C3orf22: variants seen among roughly 807,000 people sequenced by gnomAD.
C3orf22 encodes the protein chromosome 3 open reading frame 22, also known as uncharacterized protein C3orf22.
A neutral mutation model predicts 10.8 loss-of-function variants in C3orf22; 7 were observed. The observed-to-expected ratio is 0.65, with a 90% CI of 0.37 to 1.22. C3orf22 has a LOEUF of 1.22. C3orf22 is among the 50% of genes most tolerant of loss of function. C3orf22 has a pLI of 0.02. For missense variants in C3orf22, 173 were observed against 177.0 expected (o/e 0.98, Z 0.13); for synonymous variants, 79 against 78.9 (o/e 1.00, Z 0.00).
chr3:126,553,204 T>C, intron 2 of C3orf22, 98 bp downstream of exon 2: 1 of 893,962 alleles, frequency 1.1e-6, no homozygotes, highest in East Asian at 2.4e-5. Flanking sequence ...CAAAACCCCC[T>C]CCCAGCTGCA....
At chr3:126,542,455 C>T in intron 4 of C3orf22, 2 of 1,569,376 alleles carry the variant, frequency 1.3e-6, no homozygotes, top group Non-Finnish European at 1.7e-6. Flanking sequence ...CCGCCTCCCG[C>T]GACCTGGCAG....
At chr3:126,535,274 G>A (rs1936755735) in intron 4 of C3orf22, among the ~76,000 whole-genome samples, 2 of 145,770 alleles carry the variant, frequency 1.4e-5, no homozygotes, top group Admixed American at 1.4e-4. Flanking sequence ...CAGCATCACT[G>A]TCCTCAGCTG....
downstream of C3orf22, among the ~76,000 whole-genome samples, chr3:126,548,185 G>A (rs1937099645): frequency 6.6e-6 from 1 of 152,174 alleles, no homozygotes; most frequent in South Asian, 2.1e-4. Context: ...AGTAGAGACG[G>A]GGTTTCACCA....
chr3:126,540,353 T>TCTGTC (rs1269122713), intron 4 of C3orf22, among the ~76,000 whole-genome samples: 1 of 152,170 alleles, frequency 6.6e-6, no homozygotes, highest in Admixed American at 6.5e-5. Context: ...CAGCCCAGTG[T>TCTGTC]CAGTCCATCA....
downstream of C3orf22, among the ~76,000 whole-genome samples, chr3:126,547,046 TGTGA>T (rs1937080816): frequency 1.3e-5 from 2 of 152,208 alleles, no homozygotes; most frequent in South Asian, 2.1e-4. Flanking sequence ...CCTGCATAGG[TGTGA>T]GTGTGACTGC....
intron 5 of C3orf22, among the ~76,000 whole-genome samples, chr3:126,528,182 C>T (rs545423137): frequency 2.8e-4 from 42 of 151,660 alleles, no homozygotes; most frequent in Non-Finnish European, 5.3e-4. Flanking sequence ...GGATGGAAGG[C>T]AGGAAGATAC....
At chr3:126,551,728 A>G (rs1937191185) in intron 3 of C3orf22, among the ~76,000 whole-genome samples, 4 of 152,198 alleles carry the variant, frequency 2.6e-5, no homozygotes, top group South Asian at 2.1e-4. Context: ...CACTGAGGCC[A>G]GTTTCTCCAC....
rs1412801435 is a variant in C3orf22, at chr3:126,550,051, C to T, written c.243G>A (p.Pro81=). 5.6e-6 allele frequency: 9 copies of T among 1,613,772 alleles called. No homozygotes were observed. The highest frequency in any genetic ancestry group is 1.1e-5 in the South Asian group (1 of 91,078). ...GTAGTGGTGCCGGGCAGGAGCCAGA[C>T]GGTGATGTAAAATCTGGAGCCCCGA... ...RGLGAPDFTS[P]SGSCPAPLPA... Residue 81 remains proline (P), a synonymous_variant, in exon 4 of 4, where the codon CCG becomes CCA. Coordinates refer to ENST00000318225, the MANE Select transcript of C3orf22 (RefSeq NM_152533.3).
In C3orf22 at chr3:126,549,820, G is replaced by C; in HGVS notation, c.*48C>G. 1 of 1,571,832 alleles carries C rather than the reference G, an allele frequency of 6.4e-7. No homozygotes were observed. The highest frequency in any genetic ancestry group is 8.6e-7 in the Non-Finnish European group (1 of 1,158,900). On this transcript the variant is annotated 3_prime_UTR_variant, in exon 4 of 4. Transcript: ENST00000318225. Reference sequence around the variant, plus strand: ...TCTCTGTGGCTACTGCCCAGAGCCTGCCAAGGAGAAGGTGGCCAATAAGAA... The same window carrying C: ...TCTCTGTGGCTACTGCCCAGAGCCTCCCAAGGAGAAGGTGGCCAATAAGAA...
chr3:126,536,606 G>A (rs1936796527), intron 4 of C3orf22, among the ~76,000 whole-genome samples: 1 of 151,976 alleles, frequency 6.6e-6, no homozygotes, highest in Non-Finnish European at 1.5e-5. Context: ...TCTTTGTGTT[G>A]CAGATAAAAA....
At chr3:126,553,504 A>C in intron 1 of C3orf22, 74 bp from the exon 2 acceptor site, 1 of 999,092 alleles carries the variant, frequency 1.0e-6, no homozygotes, top group Non-Finnish European at 1.6e-6. Flanking sequence ...AGTACCCAGC[A>C]GGGCTGGGGG....
chr3:126,537,741 G>A (rs1042549803), intron 4 of C3orf22, among the ~76,000 whole-genome samples: 6 of 149,430 alleles, frequency 4.0e-5, no homozygotes, highest in South Asian at 2.1e-4. Context: ...AGCACCTTGC[G>A]GCTGGAGAAA....
intron 4 of C3orf22, among the ~76,000 whole-genome samples, chr3:126,540,961 T>C (rs1213443959): frequency 1.3e-5 from 2 of 152,142 alleles, no homozygotes; most frequent in Admixed American, 6.6e-5. Context: ...CAAAAAATCA[T>C]AGGCAGGGGT....
At chr3:126,536,874 CTCT>C in intron 4 of C3orf22, among the ~76,000 whole-genome samples, 1 of 141,902 alleles carries the variant, frequency 7.0e-6, no homozygotes, top group South Asian at 2.3e-4. Flanking sequence ...CTCTCTCTCT[CTCT>C]TTCTCACACA....
chr3:126,542,721 C>T, intron 4 of C3orf22: 1 of 1,250,162 alleles, frequency 8.0e-7, no homozygotes, highest in Non-Finnish European at 1.0e-6. Flanking sequence ...GGGCGCAGGG[C>T]ACACCTGGCC....
rs1456649815 is a variant in C3orf22, at chr3:126,536,177, G to A, written c.287-6805C>T. On this transcript the variant is annotated intron_variant and NMD_transcript_variant, in intron 4 of 5. Coordinates refer to the C3orf22 transcript ENST00000505070. ...CCGGGAAGGAAATTGAGTGCCAGAGGTGGGTCAAATGTGCCTAGATGGGTT... is the reference window on the plus strand; with the variant it reads ...CCGGGAAGGAAATTGAGTGCCAGAGATGGGTCAAATGTGCCTAGATGGGTT... 5 of 974,266 alleles carry A rather than the reference G, an allele frequency of 5.1e-6. No homozygotes were observed. In the African/African-American group the frequency reaches 6.4e-5, roughly 13 times the overall value. 60.4% of individuals were successfully genotyped at this position (974,266 alleles called of 1,614,324 possible).
At chr3:126,550,820 C>A (rs895012629) in intron 3 of C3orf22, among the ~76,000 whole-genome samples, 56 of 152,272 alleles carry the variant, frequency 3.7e-4, no homozygotes, top group Non-Finnish European at 1.5e-4. Context: ...CAGCCCACTG[C>A]CCCCTTCAGC....
chr3:126,543,668 GTA>G (rs968207174), intron 4 of C3orf22, among the ~76,000 whole-genome samples: 1 of 152,046 alleles, frequency 6.6e-6, no homozygotes, highest in African/African-American at 2.4e-5. Flanking sequence ...GAGTGTGTGA[GTA>G]TATGAGTGAG....
chr3:126,530,523 C>G (rs1385302922), intron 4 of C3orf22, among the ~76,000 whole-genome samples: 1 of 152,254 alleles, frequency 6.6e-6, no homozygotes, highest in Non-Finnish European at 1.5e-5. Flanking sequence ...CAGTCCCCAG[C>G]CACAGTTCCC....
Sources: gnomAD v4.1 joint callset for allele counts (sites outside exome capture counted in the v4.1 genomes callset) on GRCh38, gnomAD v4.1.1 for gene constraint, MANE v1.5 for transcripts, NCBI Gene and HGNC (gene_info 2026-07-23, HGNC 2026-07-21) for gene names.